NDRG1: variants seen among roughly 807,000 people sequenced by gnomAD.
NDRG1 encodes N-myc downstream regulated 1, also known as protein NDRG1.
In NDRG1, 32 loss-of-function variants were observed where a neutral mutation model predicts 56.9. The observed-to-expected ratio is 0.56, with a 90% CI of 0.42 to 0.76. NDRG1 has a LOEUF of 0.76. Ranked by LOEUF, NDRG1 falls within the 30% of genes least tolerant of loss-of-function variation. The pLI, the probability that NDRG1 is intolerant of heterozygous loss-of-function variation, is 0.00. For synonymous variants in NDRG1, 211 were observed against 204.1 expected, an observed-to-expected ratio of 1.03 and a Z score of -0.29; for missense variants, 507 against 545.7, an observed-to-expected ratio of 0.93 and a Z score of 0.71.
chr8:133,275,889 T>C (rs1857431528), intron 3 of NDRG1, among the ~76,000 whole-genome samples: 2 of 152,202 alleles, frequency 1.3e-5, no homozygotes, highest in Admixed American at 1.3e-4. Flanking sequence ...GCCAGACACA[T>C]TCTGTGCTCG....
intron 1 of NDRG1, chr8:133,296,487 C>A (rs113301835): frequency 4.4e-6 from 2 of 456,140 alleles, no homozygotes; most frequent in Non-Finnish European, 8.8e-6. Flanking sequence ...TCCCCCCACA[C>A]ACACGCTTAC....
In NDRG1 at chr8:133,269,729, G is replaced by C. The variant is rs980830663; in HGVS notation, c.100-5077C>G. ...GAAACCTTTCTCTGCAACGTGCACT[G>C]TGACTCCCTAAAGGGGATGCAGCAA... On this transcript the variant is annotated intron_variant, in intron 3 of 15. Coordinates refer to ENST00000323851, the MANE Select transcript of NDRG1 (RefSeq NM_006096.4). Among the ~76,000 whole-genome samples, 7 of 152,234 alleles carry C rather than the reference G, an allele frequency of 4.6e-5. No individual in the cohort carries two copies. In the East Asian group the frequency reaches 1.3e-3, roughly 29 times the overall value.
intron 8 of NDRG1, 74 bp from the exon 9 acceptor site, chr8:133,254,669 T>G: frequency 1.4e-6 from 2 of 1,480,112 alleles, no homozygotes; most frequent in South Asian, 2.4e-5. Flanking sequence ...AAACCCCACT[T>G]CCCTGGGTGC....
chr8:133,248,066 T>C (rs1855791800), intron 11 of NDRG1, 140 bp from the exon 12 acceptor site: 2 of 788,400 alleles, frequency 2.5e-6, no homozygotes, highest in Non-Finnish European at 4.5e-6. Context: ...TTTTACTTCA[T>C]TCTCCTTTGA....
At chr8:133,266,228 G>A (rs752496912) in intron 3 of NDRG1, among the ~76,000 whole-genome samples, 4 of 152,240 alleles carry the variant, frequency 2.6e-5, no homozygotes, top group Non-Finnish European at 4.4e-5. Flanking sequence ...TGACCCGCCC[G>A]CAAGCGGCGC....
chr8:133,254,109 A>C (rs1856233910), intron 9 of NDRG1, among the ~76,000 whole-genome samples: 1 of 152,062 alleles, frequency 6.6e-6, no homozygotes, highest in African/African-American at 2.4e-5. Context: ...CTACTATATA[A>C]TGCCATTTAT....
chr8:133,244,653 T>G (rs1586408004), intron 13 of NDRG1: 2 of 581,764 alleles, frequency 3.4e-6, no homozygotes, highest in Non-Finnish European at 6.2e-6. Context: ...TTCACTCCAT[T>G]CCCCAAGAAC....
chr8:133,261,128 C>CA (rs1856640657), intron 5 of NDRG1, among the ~76,000 whole-genome samples: 1 of 152,108 alleles, frequency 6.6e-6, no homozygotes, highest in African/African-American at 2.4e-5. Flanking sequence ...TTTTTGGAGA[C>CA]AGAGTCTTGC....
Position 133,284,323 on chromosome 8 carries a change from C to G in NDRG1, c.-12G>C. ...ATCTCCCGAGACATGTCCCTGCTGTCACCTGCCTGCAAGGAGACAAAGGCC... is the reference window on the plus strand; with the variant it reads ...ATCTCCCGAGACATGTCCCTGCTGTGACCTGCCTGCAAGGAGACAAAGGCC... On this transcript the variant is annotated 5_prime_UTR_variant, in exon 2 of 16. Transcript: ENST00000323851. The G allele has an allele frequency of 6.2e-7, 1 of 1,614,112 alleles. No homozygotes were observed.
At chr8:133,291,549 A>C (rs775689144) in intron 1 of NDRG1, among the ~76,000 whole-genome samples, 1 of 152,162 alleles carries the variant, frequency 6.6e-6, no homozygotes, top group Non-Finnish European at 1.5e-5. Flanking sequence ...GTCTTCACGA[A>C]CTGTCTTTCT....
intron 1 of NDRG1, among the ~76,000 whole-genome samples, chr8:133,291,677 G>A (rs916281632): frequency 1.6e-4 from 24 of 152,178 alleles, no homozygotes; most frequent in Admixed American, 6.5e-4. Flanking sequence ...CAGTACAAAT[G>A]TCAGAGAACA....
chr8:133,243,320 C>G (rs932202735), intron 14 of NDRG1, among the ~76,000 whole-genome samples: 2 of 152,198 alleles, frequency 1.3e-5, no homozygotes, highest in Admixed American at 1.3e-4. Context: ...GTGGAGAGAA[C>G]CAAGAATACA....
chr8:133,288,696 CCA>C (rs1477615339), intron 1 of NDRG1, among the ~76,000 whole-genome samples: 4 of 152,184 alleles, frequency 2.6e-5, no homozygotes, highest in African/African-American at 9.7e-5. Context: ...CAAGGCAGGG[CCA>C]CACACAGCAT....
intron 1 of NDRG1, chr8:133,296,509 C>G (rs1488887381): frequency 6.6e-6 from 3 of 456,200 alleles, no homozygotes; most frequent in Non-Finnish European, 1.3e-5. Context: ...CTCACACATG[C>G]ACACCGCCCT....
At chr8:133,273,558 C>T (rs1291496201) in intron 3 of NDRG1, among the ~76,000 whole-genome samples, 1 of 152,212 alleles carries the variant, frequency 6.6e-6, no homozygotes, top group Non-Finnish European at 1.5e-5. Context: ...AGGAAAATAG[C>T]CCAGCACGGT....
intron 2 of NDRG1, among the ~76,000 whole-genome samples, 156 bp from the exon 3 acceptor site, chr8:133,280,423 CTCT>C (rs1397094178): frequency 2.0e-5 from 3 of 147,022 alleles, no homozygotes; most frequent in South Asian, 2.1e-4. Flanking sequence ...CTTTCCTTTT[CTCT>C]TTTTTTTTTT....
rs373223345 is a variant in NDRG1 at position 133,252,284 on chromosome 8, G to T, written c.595-1741C>A. 1.9e-3 allele frequency among the ~76,000 whole-genome samples: 288 copies of T among 152,180 alleles called. 4 individuals are homozygous for T. The highest frequency in any genetic ancestry group is 6.6e-3 in the African/African-American group (276 of 41,524). On this transcript the variant is annotated intron_variant, in intron 9 of 15. Coordinates refer to ENST00000323851, the MANE Select transcript of NDRG1 (RefSeq NM_006096.4). ...TTAATTTTGTATTTTCAGTAGAGACGGGGTTTCACCATGTTGGCCAGGCTC... is the reference window on the plus strand; with the variant it reads ...TTAATTTTGTATTTTCAGTAGAGACTGGGTTTCACCATGTTGGCCAGGCTC...
intron 5 of NDRG1, chr8:133,259,483 G>A: frequency 1.8e-6 from 1 of 545,940 alleles, no homozygotes; most frequent in Non-Finnish European, 3.3e-6. Context: ...ATAACTCTAG[G>A]AGGCTGCTAG....
At chr8:133,245,767 C>T (rs576415869) in intron 13 of NDRG1, among the ~76,000 whole-genome samples, 15 of 152,292 alleles carry the variant, frequency 9.8e-5, no homozygotes, top group African/African-American at 2.6e-4. Context: ...CCTCAAAGTA[C>T]GGCATTATGC....
Sources: gnomAD v4.1 joint callset for allele counts (sites outside exome capture counted in the v4.1 genomes callset) on GRCh38, gnomAD v4.1.1 for gene constraint, MANE v1.5 for transcripts, NCBI Gene and HGNC (gene_info 2026-07-23, HGNC 2026-07-21) for gene names.